Variants in IMMP2L observed in about 807,000 individuals in gnomAD.
The protein encoded by IMMP2L is mitochondrial inner membrane protease subunit 2.
A neutral mutation model predicts 19.3 loss-of-function variants in IMMP2L; 18 were observed. That is an observed-to-expected ratio of 0.93 (90% CI 0.64 to 1.38). IMMP2L has a LOEUF of 1.38. Among genes scored for constraint, IMMP2L ranks in the 40% most tolerant of loss-of-function variants. The pLI is 0.00. For synonymous variants in IMMP2L, 76 were observed against 73.0 expected (o/e 1.04, Z -0.21); for missense variants, 233 against 218.2 (o/e 1.07, Z -0.43).
intron 3 of IMMP2L, among the ~76,000 whole-genome samples, chr7:111,021,104 A>G (rs1321956613): frequency 6.6e-6 from 1 of 152,244 alleles, no homozygotes; most frequent in African/African-American, 2.4e-5. Context: ...CACACTATTC[A>G]GAATAACACT....
intron 3 of IMMP2L, among the ~76,000 whole-genome samples, chr7:111,190,793 G>A (rs1264077925): frequency 6.6e-6 from 1 of 152,102 alleles, no homozygotes; most frequent in Non-Finnish European, 1.5e-5. Flanking sequence ...AGGTTGGTAA[G>A]CAGGTATTTG....
intron 3 of IMMP2L, among the ~76,000 whole-genome samples, chr7:111,011,940 A>G (rs1409506008): frequency 1.3e-5 from 2 of 152,128 alleles, no homozygotes; most frequent in Non-Finnish European, 2.9e-5. Context: ...CTGGGACTTC[A>G]CAGCTGGGCA....
intron 2 of IMMP2L, chr7:111,492,373 T>G: frequency 1.0e-6 from 1 of 983,406 alleles, no homozygotes; most frequent in Non-Finnish European, 1.2e-6. Context: ...ACTAGAAGAC[T>G]CATAAGTCAG....
At chr7:111,088,993 T>C (rs535339464) in intron 3 of IMMP2L, among the ~76,000 whole-genome samples, 2 of 152,242 alleles carry the variant, frequency 1.3e-5, no homozygotes, top group South Asian at 4.1e-4. Flanking sequence ...TGATATTAAA[T>C]TTATAAAAAT....
intron 5 of IMMP2L, among the ~76,000 whole-genome samples, chr7:110,717,292 C>T (rs564524761): frequency 1.2e-4 from 19 of 152,028 alleles, no homozygotes; most frequent in South Asian, 2.1e-4. Context: ...CTGGCTAATA[C>T]GGTGAAACCC....
intron 5 of IMMP2L, among the ~76,000 whole-genome samples, chr7:110,819,939 G>A (rs1269556180): frequency 1.3e-5 from 2 of 151,706 alleles, no homozygotes; most frequent in Non-Finnish European, 2.9e-5. Context: ...TTTACATGCT[G>A]TTCATTTTGT....
In IMMP2L at chr7:111,487,354, G is replaced by A; in HGVS notation, c.136-13C>T. On this transcript the variant is annotated splice_polypyrimidine_tract_variant and intron_variant, in intron 2 of 5. Coordinates refer to ENST00000405709, the MANE Select transcript of IMMP2L (RefSeq NM_032549.4). The stretch of plus-strand genomic sequence containing the variant: ...GATTCAAAGAAGGCTAGAAAATAAG[G>A]AGAAAGAGACACTTCTATCATTTGT... 4 of 1,440,196 alleles carry A rather than the reference G, an allele frequency of 2.8e-6. No homozygotes were observed. Among genetic ancestry groups the A allele is most frequent in the African/African-American group, 1.4e-5 (1 of 71,582 alleles). The allele number at this position is 1,440,196 out of a possible 1,614,324, so 89.2% of individuals were successfully genotyped here.
intron 5 of IMMP2L, among the ~76,000 whole-genome samples, chr7:110,881,733 T>C (rs1809657484): frequency 6.6e-6 from 1 of 152,224 alleles, no homozygotes; most frequent in Non-Finnish European, 1.5e-5. Flanking sequence ...TGAAAATTCA[T>C]TCTCGTGTAT....
At chr7:111,465,135 A>G (rs958775669) in intron 3 of IMMP2L, among the ~76,000 whole-genome samples, 21 of 152,032 alleles carry the variant, frequency 1.4e-4, no homozygotes, top group Non-Finnish European at 2.2e-4. Flanking sequence ...TAAACTACCC[A>G]TTGTCCAAAA....
intron 3 of IMMP2L, among the ~76,000 whole-genome samples, chr7:111,198,686 C>A (rs539803724): frequency 6.6e-6 from 1 of 152,270 alleles, no homozygotes; most frequent in African/African-American, 2.4e-5. Flanking sequence ...ATCCTTCTTT[C>A]AATACTTTTG....
intron 5 of IMMP2L, among the ~76,000 whole-genome samples, chr7:110,866,363 T>A (rs550210964): frequency 6.6e-5 from 10 of 151,884 alleles, no homozygotes; most frequent in Non-Finnish European, 1.3e-4. Context: ...GGCGATGGTT[T>A]GAGAACATTC....
At chr7:111,556,007 T>G (rs1791253729) in intron 1 of IMMP2L, among the ~76,000 whole-genome samples, 2 of 75,834 alleles carry the variant, frequency 2.6e-5, no homozygotes, top group African/African-American at 9.0e-5. Flanking sequence ...CCATCCCTCT[T>G]CTGTGTGCAT....
At chr7:111,410,744 G>A (rs1834336262) in intron 3 of IMMP2L, among the ~76,000 whole-genome samples, 1 of 151,744 alleles carries the variant, frequency 6.6e-6, no homozygotes, top group Non-Finnish European at 1.5e-5. Context: ...CAAATTAAGT[G>A]TCTAAATATT....
At chr7:111,220,747 G>A (rs1185162539) in intron 3 of IMMP2L, among the ~76,000 whole-genome samples, 1 of 151,990 alleles carries the variant, frequency 6.6e-6, no homozygotes, top group Admixed American at 6.6e-5. Flanking sequence ...CTGAAAGCTG[G>A]AGCCTCAGGA....
intron 3 of IMMP2L, among the ~76,000 whole-genome samples, chr7:110,988,817 G>A (rs1439097959): frequency 6.6e-6 from 1 of 152,072 alleles, no homozygotes; most frequent in Non-Finnish European, 1.5e-5. Flanking sequence ...AATAATATCT[G>A]ATAATTTGGA....
At position 110,923,884 on chromosome 7, in the gene IMMP2L, G is replaced by C. The variant is rs376529475; in HGVS notation, c.306-37189C>G. Among the ~76,000 whole-genome samples, 42 of 152,236 alleles carry C rather than the reference G, an allele frequency of 2.8e-4. 1 individual carries two copies. Among genetic ancestry groups the C allele is most frequent in the East Asian group, 1.2e-3 (6 of 5,180 alleles). On this transcript the variant is annotated intron_variant, in intron 4 of 5. Coordinates refer to ENST00000405709, the MANE Select transcript of IMMP2L (RefSeq NM_032549.4). ...ACCTTTTTGAAAGTTATATCCCAAT[G>C]CCCTACAGGTTATCTCACATTATAG...
At chr7:111,302,328 G>C (rs1470124740) in intron 3 of IMMP2L, among the ~76,000 whole-genome samples, 1 of 152,072 alleles carries the variant, frequency 6.6e-6, no homozygotes, top group African/African-American at 2.4e-5. Flanking sequence ...CTGACCTCCT[G>C]AACCAAAATA....
At chr7:110,848,699 T>G (rs1805908745) in intron 5 of IMMP2L, among the ~76,000 whole-genome samples, 1 of 152,086 alleles carries the variant, frequency 6.6e-6, no homozygotes, top group African/African-American at 2.4e-5. Flanking sequence ...CTGTGGTATA[T>G]CCAGACAATG....
intron 3 of IMMP2L, among the ~76,000 whole-genome samples, chr7:110,975,731 A>G (rs1820619221): frequency 6.6e-6 from 1 of 152,126 alleles, no homozygotes; most frequent in African/African-American, 2.4e-5. Context: ...TATTCCCTTC[A>G]TATGAGTCAA....
Sources: allele counts gnomAD v4.1 joint callset (sites outside exome capture counted in the v4.1 genomes callset), GRCh38; gene constraint gnomAD v4.1.1; transcripts MANE v1.5; gene names NCBI Gene and HGNC (gene_info 2026-07-23, HGNC 2026-07-21).